EFCAB13: variants seen among roughly 807,000 people sequenced by gnomAD.
EFCAB13 encodes EF-hand calcium-binding domain-containing protein 13.
Under a neutral mutation model 110.2 loss-of-function variants are expected in EFCAB13, and 91 were observed. The observed-to-expected ratio is 0.83, with a 90% CI of 0.70 to 0.98. EFCAB13 has a LOEUF of 0.98. EFCAB13 is among the 50% of genes least tolerant of loss of function. The probability of loss-of-function intolerance (pLI) is 0.00; values close to 1 mark genes in which losing one functional copy is unlikely to be tolerated. For synonymous variants in EFCAB13, 323 were observed against 369.9 expected (o/e 0.87, Z 1.45); for missense variants, 968 against 1,119.4 (o/e 0.86, Z 1.93).
chr17:47,412,941 T>C (rs1372413104), intron 22 of EFCAB13, 25 bp downstream of exon 22: 6 of 1,593,210 alleles, frequency 3.8e-6, no homozygotes, highest in Non-Finnish European at 4.3e-6. Flanking sequence ...GGCCTGAGAT[T>C]CTTTTCATTT....
chr17:47,381,216 T>C (rs1380208425), intron 14 of EFCAB13, among the ~76,000 whole-genome samples: 1 of 152,108 alleles, frequency 6.6e-6, no homozygotes, highest in African/African-American at 2.4e-5. Context: ...TTTTTTCTTG[T>C]AAATTTGTTT....
chr17:47,425,325 G>A (rs1235764323), intron 23 of EFCAB13, among the ~76,000 whole-genome samples: 1 of 152,142 alleles, frequency 6.6e-6, no homozygotes, highest in Non-Finnish European at 1.5e-5. Flanking sequence ...TGATGAATCA[G>A]ATTCTGATTC....
At chr17:47,352,359 C>T (rs11870176) in intron 9 of EFCAB13, among the ~76,000 whole-genome samples, 3,442 of 152,094 alleles carry the variant, frequency 0.023, 106 homozygotes, top group East Asian at 0.18. Flanking sequence ...GTCCTTTCAC[C>T]AGTGTATGTT....
At chr17:47,351,083 A>G (rs2065447013) in intron 9 of EFCAB13, among the ~76,000 whole-genome samples, 2 of 152,106 alleles carry the variant, frequency 1.3e-5, no homozygotes, top group Non-Finnish European at 2.9e-5. Context: ...CCAAGTCTCC[A>G]GTAACTATTA....
intron 10 of EFCAB13, among the ~76,000 whole-genome samples, chr17:47,364,558 G>T (rs1006252372): frequency 6.6e-6 from 1 of 152,088 alleles, no homozygotes; most frequent in Non-Finnish European, 1.5e-5. Context: ...TGATCCACCT[G>T]CCTTGGCCTC....
intron 17 of EFCAB13, among the ~76,000 whole-genome samples, chr17:47,399,661 CA>C (rs1166844166): frequency 6.6e-6 from 1 of 151,818 alleles, no homozygotes; most frequent in African/African-American, 2.4e-5. Context: ...CCCTGAAAAA[CA>C]ACTGATTCAG....
intron 23 of EFCAB13, among the ~76,000 whole-genome samples, chr17:47,415,173 T>G: frequency 6.7e-6 from 1 of 149,010 alleles, no homozygotes; most frequent in Non-Finnish European, 1.5e-5. Context: ...CACTCATAGG[T>G]GGGAATTGAA....
intron 20 of EFCAB13, among the ~76,000 whole-genome samples, chr17:47,408,511 G>A (rs2065816975): frequency 6.6e-6 from 1 of 152,070 alleles, no homozygotes. Flanking sequence ...AAATTAGCCT[G>A]GCATGGTGGC....
At position 47,440,434 on chromosome 17, in the gene EFCAB13, G is replaced by C; in HGVS notation, c.2642G>C (p.Ser881Thr). The change falls in exon 25 of 25, where the codon AGT becomes ACT. Residue 881 changes from serine to threonine, a missense_variant. Physicochemically the swap from Ser to Thr is moderately conservative, Grantham distance 58. Coordinates refer to ENST00000331493, the MANE Select transcript of EFCAB13 (RefSeq NM_152347.5). ...TAAATTATGCTTTGCCTTACAGAAA[G>C]TGGCAAGGTTAGCATTCAAGAATTT... The part of the protein sequence containing the change: ...VMLRHVPEHE[S>T]GKVSIQEFMT... The C allele has an allele frequency of 6.4e-7, 1 of 1,574,552 alleles. No homozygotes were observed. The highest frequency in any genetic ancestry group is 8.6e-7 in the Non-Finnish European group (1 of 1,164,682).
intron 9 of EFCAB13, 46 bp downstream of exon 9, chr17:47,347,997 A>T (rs1002768207): frequency 1.6e-5 from 21 of 1,308,854 alleles, no homozygotes; most frequent in Non-Finnish European, 1.9e-5. Flanking sequence ...TGCAATCATA[A>T]ATATGTTTGT....
At chr17:47,337,773 T>A (rs571588689) in intron 5 of EFCAB13, among the ~76,000 whole-genome samples, 1 of 152,184 alleles carries the variant, frequency 6.6e-6, no homozygotes, top group Non-Finnish European at 1.5e-5. Context: ...ATTACAAAAG[T>A]TGTTTTTCAG....
chr17:47,351,304 T>TGTGTGTGTGTGTGTGTGTGTGTGCGCGC (rs1280645583), intron 9 of EFCAB13, among the ~76,000 whole-genome samples: 1 of 122,980 alleles, frequency 8.1e-6, no homozygotes, highest in Non-Finnish European at 1.9e-5. Flanking sequence ...TGTGTGTGTG[T>TGTGTGTGTGTGTGTGTGTGTGTGCGCGC]GCGCGCGCGC....
intron 21 of EFCAB13, among the ~76,000 whole-genome samples, chr17:47,410,713 A>C (rs1413032795): frequency 6.6e-6 from 1 of 152,208 alleles, no homozygotes; most frequent in East Asian, 1.9e-4. Context: ...CCATTCCAAG[A>C]GGGAGAAATG....
chr17:47,391,709 A>G (rs1311789220), intron 15 of EFCAB13, 129 bp downstream of exon 15: 2 of 769,112 alleles, frequency 2.6e-6, no homozygotes, highest in African/African-American at 1.9e-5. Context: ...TACAAAAAGT[A>G]TGGAAATACT....
intron 24 of EFCAB13, chr17:47,430,220 T>A (rs11869487): frequency 1.8e-5 from 19 of 1,072,722 alleles, no homozygotes; most frequent in Non-Finnish European, 2.0e-5. Context: ...GTGAACTGAC[T>A]GACATGCACA....
chr17:47,422,592 G>A (rs536149401), intron 23 of EFCAB13, among the ~76,000 whole-genome samples: 1 of 152,086 alleles, frequency 6.6e-6, no homozygotes, highest in Non-Finnish European at 1.5e-5. Flanking sequence ...TTCAAAAATT[G>A]TATTTCTGTA....
At chr17:47,395,728 C>A in intron 16 of EFCAB13, 106 bp from the exon 17 acceptor site, 4 of 886,926 alleles carry the variant, frequency 4.5e-6, no homozygotes, top group Non-Finnish European at 4.8e-6. Flanking sequence ...ATTTATTATT[C>A]TTTTAAACCA....
Position 47,419,913 on chromosome 17 carries a change from C to CCCCTCTCCCTCT in EFCAB13, c.2494+5012_2494+5023dup, listed in dbSNP as rs59364535. Among the ~76,000 whole-genome samples, 125 of 149,492 alleles carry CCCCTCTCCCTCT rather than the reference C, an allele frequency of 8.4e-4. 1 individual carries two copies. Among genetic ancestry groups the CCCCTCTCCCTCT allele is most frequent in the East Asian group, 2.8e-3 (14 of 5,080 alleles). ...CAAGAGATCTACATATAAGAAATGT[C>CCCCTCTCCCTCT]CCCTCTCCCTCTCCCTCTCCCTCTC... On this transcript the variant is annotated intron_variant, in intron 23 of 24. Transcript: ENST00000331493.
At chr17:47,343,047 C>T (rs542969770) in intron 6 of EFCAB13, among the ~76,000 whole-genome samples, 1 of 152,170 alleles carries the variant, frequency 6.6e-6, no homozygotes, top group East Asian at 1.9e-4. Context: ...GATCAATTCA[C>T]TGTATGAAAT....
Sources: gnomAD v4.1 joint callset for allele counts (sites outside exome capture counted in the v4.1 genomes callset) on GRCh38, gnomAD v4.1.1 for gene constraint, MANE v1.5 for transcripts, NCBI Gene and HGNC (gene_info 2026-07-23, HGNC 2026-07-21) for gene names.